The following NAALADL2 variants were observed in gnomAD, a reference collection of about 807,000 sequenced individuals.
NAALADL2 encodes the protein N-acetylated alpha-linked acidic dipeptidase like 2, also known as inactive N-acetylated-alpha-linked acidic dipeptidase-like protein 2.
Under a neutral mutation model 87.2 loss-of-function variants are expected in NAALADL2, and 76 were observed. The observed-to-expected ratio is 0.87, with a 90% confidence interval of 0.72 to 1.05. The LOEUF is 1.05. NAALADL2 is among the 50% of genes least tolerant of loss of function. The probability of loss-of-function intolerance (pLI) is 0.00; values close to 1 mark genes in which losing one functional copy is unlikely to be tolerated. For synonymous variants in NAALADL2, 354 were observed against 331.0 expected (o/e 1.07, Z -0.75); for missense variants, 1,089 against 945.8 (o/e 1.15, Z -1.99).
chr3:174,678,145 A>G (rs1727215048), intron 2 of NAALADL2, among the ~76,000 whole-genome samples: 1 of 152,152 alleles, frequency 6.6e-6, no homozygotes, highest in African/African-American at 2.4e-5. Flanking sequence ...GATCAATTGT[A>G]TGTCTCTTAC....
At chr3:174,487,292 C>T (rs1182464971) in intron 1 of NAALADL2, among the ~76,000 whole-genome samples, 4 of 152,016 alleles carry the variant, frequency 2.6e-5, no homozygotes, top group Non-Finnish European at 4.4e-5. Flanking sequence ...ATGTCATTTG[C>T]AACCTAGATG....
intron 11 of NAALADL2, among the ~76,000 whole-genome samples, chr3:175,638,172 C>T (rs895768581): frequency 6.6e-6 from 1 of 152,136 alleles, no homozygotes; most frequent in African/African-American, 2.4e-5. Flanking sequence ...AATACATAAA[C>T]ATCAACCACA....
chr3:175,214,036 C>G (rs1742144118), intron 2 of NAALADL2, among the ~76,000 whole-genome samples: 1 of 152,028 alleles, frequency 6.6e-6, no homozygotes, highest in Non-Finnish European at 1.5e-5. Context: ...CATTAGAATA[C>G]CATTATTGTA....
chr3:175,063,143 A>T (rs911012013), intron 1 of NAALADL2, among the ~76,000 whole-genome samples: 1 of 152,126 alleles, frequency 6.6e-6, no homozygotes, highest in Non-Finnish European at 1.5e-5. Flanking sequence ...CAGGAAAAGG[A>T]GACAAAATAA....
In NAALADL2 at chr3:175,413,294, G is replaced by A. The variant is rs115137580; in HGVS notation, c.1091-33935G>A. 6.0e-3 allele frequency among the ~76,000 whole-genome samples: 903 copies of A among 150,860 alleles called. 12 individuals are homozygous for A. The highest frequency in any genetic ancestry group is 0.021 in the African/African-American group (845 of 41,124). Reference sequence around the variant, plus strand: ...CATTAAAACTACCAAAAATTAGGCCGAGCGCGGTGGCTCATGCCTGTAATC... The same window carrying A: ...CATTAAAACTACCAAAAATTAGGCCAAGCGCGGTGGCTCATGCCTGTAATC... On this transcript the variant is annotated intron_variant, in intron 5 of 13. Coordinates refer to ENST00000454872, the MANE Select transcript of NAALADL2 (RefSeq NM_207015.3).
chr3:174,823,618 T>C (rs1721659003), intron 3 of NAALADL2, among the ~76,000 whole-genome samples: 1 of 152,198 alleles, frequency 6.6e-6, no homozygotes, highest in Non-Finnish European at 1.5e-5. Flanking sequence ...ACAAGAACAA[T>C]TTCATTCTTT....
chr3:175,054,241 G>T (rs1711617555), intron 1 of NAALADL2, among the ~76,000 whole-genome samples: 1 of 152,292 alleles, frequency 6.6e-6, no homozygotes, highest in Middle Eastern at 3.4e-3. Context: ...ACTGTTGCTA[G>T]ACCCATCTGT....
chr3:174,874,755 ATG>A (rs1728264823), intron 1 of NAALADL2, among the ~76,000 whole-genome samples: 2 of 152,148 alleles, frequency 1.3e-5, no homozygotes, highest in Non-Finnish European at 2.9e-5. Context: ...TGAAATACAC[ATG>A]TGTCTTGAAC....
chr3:174,675,351 C>T (rs1215876313), intron 2 of NAALADL2, among the ~76,000 whole-genome samples: 1 of 151,986 alleles, frequency 6.6e-6, no homozygotes, highest in African/African-American at 2.4e-5. Context: ...CCACCCTCTG[C>T]TTTATCCTAT....
At chr3:175,540,934 A>G (rs1211004401) in intron 9 of NAALADL2, among the ~76,000 whole-genome samples, 1 of 152,214 alleles carries the variant, frequency 6.6e-6, no homozygotes. Flanking sequence ...TAGGTCAGGA[A>G]TTGGATCAGG....
chr3:175,779,094 A>C (rs1363775626), intron 13 of NAALADL2, among the ~76,000 whole-genome samples: 5 of 152,152 alleles, frequency 3.3e-5, no homozygotes, highest in Non-Finnish European at 5.9e-5. Context: ...TGGAAAAGTG[A>C]CTAGGAAGAT....
intron 11 of NAALADL2, among the ~76,000 whole-genome samples, chr3:175,709,413 T>C (rs1190492232): frequency 6.6e-6 from 1 of 152,090 alleles, no homozygotes; most frequent in Non-Finnish European, 1.5e-5. Flanking sequence ...GTATCCTAGT[T>C]AGGTGAACAG....
intron 9 of NAALADL2, among the ~76,000 whole-genome samples, chr3:175,504,508 T>C (rs971972102): frequency 1.3e-5 from 2 of 151,508 alleles, no homozygotes; most frequent in African/African-American, 4.8e-5. Context: ...TCTGATAGGA[T>C]TGTGGCTTTA....
intron 6 of NAALADL2, among the ~76,000 whole-genome samples, chr3:175,454,687 T>A (rs1456514854): frequency 6.6e-6 from 1 of 152,128 alleles, no homozygotes; most frequent in East Asian, 1.9e-4. Flanking sequence ...TTGCTAATTC[T>A]TAGATGCTGT....
At chr3:174,669,133 C>T (rs1390656242) in intron 2 of NAALADL2, among the ~76,000 whole-genome samples, 1 of 152,160 alleles carries the variant, frequency 6.6e-6, no homozygotes, top group Non-Finnish European at 1.5e-5. Flanking sequence ...GAGATGGTAT[C>T]TCACTGTGGT....
chr3:174,812,075 C>T (rs908121673), intron 3 of NAALADL2, among the ~76,000 whole-genome samples: 1 of 152,148 alleles, frequency 6.6e-6, no homozygotes, highest in Admixed American at 6.5e-5. Context: ...TGCTGCCCTA[C>T]TTTGTGTACA....
intron 10 of NAALADL2, among the ~76,000 whole-genome samples, chr3:175,597,306 G>A (rs568209380): frequency 4.6e-5 from 7 of 152,034 alleles, no homozygotes; most frequent in Non-Finnish European, 8.8e-5. Flanking sequence ...GTTGAGGTTT[G>A]TTGCTATATC....
intron 5 of NAALADL2, among the ~76,000 whole-genome samples, chr3:175,325,204 A>G (rs1489953675): frequency 6.6e-6 from 1 of 152,178 alleles, no homozygotes; most frequent in African/African-American, 2.4e-5. Flanking sequence ...TCTTACTCAA[A>G]TCCAGCTGCC....
chr3:175,639,597 G>T (rs1463825811), intron 11 of NAALADL2, among the ~76,000 whole-genome samples: 2 of 152,068 alleles, frequency 1.3e-5, no homozygotes, highest in Non-Finnish European at 1.5e-5. Flanking sequence ...TGGGATTACA[G>T]ACGTGAGTGT....
Sources: allele counts gnomAD v4.1 joint callset (sites outside exome capture counted in the v4.1 genomes callset), GRCh38; gene constraint gnomAD v4.1.1; transcripts MANE v1.5; gene names NCBI Gene and HGNC (gene_info 2026-07-23, HGNC 2026-07-21).